Variants in ZFAND1 observed in about 807,000 individuals in gnomAD.
ZFAND1 encodes the protein AN1-type zinc finger protein 1.
Under a neutral mutation model 38.5 loss-of-function variants are expected in ZFAND1, and 40 were observed. The ratio of observed to expected loss-of-function variants is 1.04; its 90% confidence interval spans 0.81 to 1.35. The LOEUF (loss-of-function observed/expected upper bound fraction) is 1.35. Ranked by LOEUF, ZFAND1 falls within the 40% of genes most tolerant of loss-of-function variation. The probability of loss-of-function intolerance (pLI) is 0.00; values close to 1 mark genes in which losing one functional copy is unlikely to be tolerated. For missense variants in ZFAND1, 346 were observed against 316.3 expected (o/e 1.09, Z -0.71); for synonymous variants, 117 against 103.6 (o/e 1.13, Z -0.78).
intron 6 of ZFAND1, among the ~76,000 whole-genome samples, chr8:81,707,547 T>C (rs1029273460): frequency 3.3e-5 from 5 of 152,160 alleles, no homozygotes; most frequent in Admixed American, 1.3e-4. Flanking sequence ...AACCTATAAA[T>C]CCTAAGAGTG....
intron 6 of ZFAND1, among the ~76,000 whole-genome samples, chr8:81,711,151 C>T (rs763435322): frequency 2.6e-5 from 4 of 152,156 alleles, no homozygotes; most frequent in African/African-American, 4.8e-5. Flanking sequence ...TGGTGGCTCA[C>T]GCCTGTAATC....
At chr8:81,707,492 A>G (rs1326506350) in intron 6 of ZFAND1, among the ~76,000 whole-genome samples, 2 of 152,236 alleles carry the variant, frequency 1.3e-5, no homozygotes, top group Non-Finnish European at 2.9e-5. Context: ...CTTCTTTAAC[A>G]GGCTATGTTG....
At chr8:81,720,815 C>T (rs1808449943) in intron 1 of ZFAND1, 1 of 256,138 alleles carries the variant, frequency 3.9e-6, no homozygotes, top group Non-Finnish European at 7.6e-6. Flanking sequence ...ACTGCTCGGA[C>T]ACGGCACACT....
At chr8:81,717,926 G>A (rs1196111491) in intron 2 of ZFAND1, among the ~76,000 whole-genome samples, 3 of 151,814 alleles carry the variant, frequency 2.0e-5, no homozygotes, top group Non-Finnish European at 4.4e-5. Context: ...TCTTTATATT[G>A]TGAATATTAT....
chr8:81,721,242 G>T lies in ZFAND1; in HGVS notation c.40C>A (p.His14Asn). The T allele has an allele frequency of 6.5e-7, 1 of 1,549,028 alleles. No individual in the cohort carries two copies. ...CCCGGATCACCTCGCTGCCGGCAAT[G>T]CTCCACCTGGCAGTGCTGCCCGATG... ...LDIGQHCQVE[H>N]CRQRDFLPFV... The change falls in exon 1 of 8, where the codon CAT (histidine) becomes AAT (asparagine). Residue 14 changes from histidine to asparagine, a missense_variant. Physicochemically the swap from His to Asn is moderately conservative, Grantham distance 68. Transcript: ENST00000220669.
chr8:81,707,946 A>G (rs1374306421), intron 6 of ZFAND1, among the ~76,000 whole-genome samples: 1 of 152,200 alleles, frequency 6.6e-6, no homozygotes, highest in African/African-American at 2.4e-5. Flanking sequence ...AAACAGGTGG[A>G]TTAAACATTA....
intron 6 of ZFAND1, among the ~76,000 whole-genome samples, chr8:81,709,572 A>C (rs570271688): frequency 1.3e-5 from 2 of 152,170 alleles, no homozygotes; most frequent in Non-Finnish European, 2.9e-5. Flanking sequence ...ACACACACAT[A>C]TAACAAATAC....
chr8:81,719,310 AACACACACACACACACACAC>A (rs71268018), intron 1 of ZFAND1, among the ~76,000 whole-genome samples: 1 of 124,856 alleles, frequency 8.0e-6, no homozygotes, highest in African/African-American at 3.2e-5. Flanking sequence ...CTCTACTGAA[AACACACACACACACACACAC>A]ACACACACAC....
rs1316291738 is a variant in ZFAND1 at position 81,702,160 on chromosome 8, A to C, written c.*535T>G. Reference sequence around the variant, plus strand: ...TTCTAAGTTTCTATAATTCATGTAGATATATCAATTTATACATCATGATGT... The same window carrying C: ...TTCTAAGTTTCTATAATTCATGTAGCTATATCAATTTATACATCATGATGT... On this transcript the variant is annotated 3_prime_UTR_variant, in exon 8 of 8. Transcript: ENST00000220669. 3 of 152,238 alleles carry C rather than the reference A, an allele frequency of 2.0e-5. No individual in the cohort carries two copies. Among genetic ancestry groups the C allele is most frequent in the African/African-American group, 7.2e-5 (3 of 41,462 alleles). 9.4% of individuals were successfully genotyped at this position (152,238 alleles called of 1,614,324 possible). A position where few individuals can be genotyped will look rare whatever the true frequency, so the allele number is the denominator to read the frequency against.
At chr8:81,707,539 C>A (rs6992302) in intron 6 of ZFAND1, among the ~76,000 whole-genome samples, 1 of 152,040 alleles carries the variant, frequency 6.6e-6, no homozygotes, top group Non-Finnish European at 1.5e-5. Flanking sequence ...ATTATGATAA[C>A]CTATAAATCC....
At chr8:81,717,134 T>C in intron 3 of ZFAND1, 115 bp downstream of exon 3, 1 of 800,892 alleles carries the variant, frequency 1.2e-6, no homozygotes, top group Non-Finnish European at 1.9e-6. Context: ...ACCTAATCAG[T>C]TTAGTATGCC....
At chr8:81,717,223 A>G (rs1419585539) in intron 3 of ZFAND1, 26 bp downstream of exon 3, 1 of 1,513,240 alleles carries the variant, frequency 6.6e-7, no homozygotes, top group African/African-American at 1.4e-5. Flanking sequence ...AATACATTTT[A>G]TCAGATTGGA....
At chr8:81,717,405 A>T (rs1159584831) in intron 2 of ZFAND1, 117 bp from the exon 3 acceptor site, 2 of 647,210 alleles carry the variant, frequency 3.1e-6, no homozygotes, top group South Asian at 1.1e-4. Context: ...CTACATTAAT[A>T]ACTTTGAATA....
chr8:81,708,729 C>A, intron 6 of ZFAND1: 1 of 1,117,104 alleles, frequency 9.0e-7, no homozygotes, highest in South Asian at 2.0e-5. Flanking sequence ...AAAAAGGGTA[C>A]TCTCATGTTT....
At chr8:81,709,704 TTAA>T (rs1157162931) in intron 6 of ZFAND1, among the ~76,000 whole-genome samples, 7 of 152,070 alleles carry the variant, frequency 4.6e-5, no homozygotes, top group South Asian at 4.1e-4. Flanking sequence ...CACACAAACA[TTAA>T]TAATAAAGGG....
In ZFAND1 at chr8:81,706,370, C is replaced by CAAAAAAAAAAAAAAAA. The variant is rs35031788; in HGVS notation, c.481-3262_481-3247dup. ...CAAGTAAGCCCTAAGGAAGGAGAAA[C>CAAAAAAAAAAAAAAAA]AAAAAAAAAAAAAAAAAAAAAAAAG... On this transcript the variant is annotated intron_variant, in intron 6 of 7. Transcript: ENST00000220669. Among the ~76,000 whole-genome samples the CAAAAAAAAAAAAAAAA allele has an allele frequency of 1.4e-3, 103 of 72,622 alleles. 3 individuals carry two copies. The highest frequency in any genetic ancestry group is 0.017 in the Middle Eastern group (1 of 60). The allele number at this position is 72,622 out of a possible 152,430, so 47.6% of individuals were successfully genotyped here.
At chr8:81,703,721 C>A (rs1310037450) in intron 6 of ZFAND1, among the ~76,000 whole-genome samples, 2 of 152,170 alleles carry the variant, frequency 1.3e-5, no homozygotes, top group East Asian at 1.9e-4. Context: ...CCACACTCGG[C>A]CTCTCCTTAT....
chr8:81,718,392 CAGAA>C, intron 1 of ZFAND1, among the ~76,000 whole-genome samples, 168 bp from the exon 2 acceptor site: 1 of 152,038 alleles, frequency 6.6e-6, no homozygotes, highest in Non-Finnish European at 1.5e-5. Flanking sequence ...CAATAACTGA[CAGAA>C]AGTAATTGGA....
At chr8:81,708,718 G>A in intron 6 of ZFAND1, 1 of 1,083,164 alleles carries the variant, frequency 9.2e-7, no homozygotes, top group South Asian at 2.3e-5. Context: ...AAACCATGGA[G>A]AAAAAGGGTA....
Sources: allele counts gnomAD v4.1 joint callset (sites outside exome capture counted in the v4.1 genomes callset), GRCh38; gene constraint gnomAD v4.1.1; transcripts MANE v1.5; gene names NCBI Gene and HGNC (gene_info 2026-07-23, HGNC 2026-07-21).